The following PARD6G variants were observed in gnomAD, a reference collection of about 807,000 sequenced individuals.
PARD6G encodes par-6 family cell polarity regulator gamma.
Under a neutral mutation model 10.7 loss-of-function variants are expected in PARD6G, and 7 were observed. That is an observed-to-expected ratio of 0.66 (90% CI 0.37 to 1.23). PARD6G has a LOEUF of 1.23. Among genes scored for constraint, PARD6G ranks in the 50% most tolerant of loss-of-function variants. The probability of loss-of-function intolerance (pLI) is 0.02; values close to 1 mark genes in which losing one functional copy is unlikely to be tolerated. For missense variants in PARD6G, 548 were observed against 571.8 expected, an observed-to-expected ratio of 0.96 and a Z score of 0.42; for synonymous variants, 287 against 269.4, an observed-to-expected ratio of 1.07 and a Z score of -0.64.
chr18:80,204,913 C>T (rs1967041263), intron 1 of PARD6G, among the ~76,000 whole-genome samples: 1 of 152,108 alleles, frequency 6.6e-6, no homozygotes, highest in South Asian at 2.1e-4. Context: ...GATCATGCCA[C>T]CGCACTCCAG....
At position 80,181,951 on chromosome 18, in the gene PARD6G, C is replaced by T. The variant is rs529234289; in HGVS notation, c.295+20759G>A. Among the ~76,000 whole-genome samples the T allele has an allele frequency of 1.2e-4, 18 of 152,330 alleles. No homozygotes were observed. The highest frequency in any genetic ancestry group is 2.4e-4 in the Non-Finnish European group (16 of 68,030). Reference sequence around the variant, plus strand: ...CAGGGCTGCAGCACACAACACGTTTCCAGTGGAGAAGCCCTTTGCAGAGTT... The same window carrying T: ...CAGGGCTGCAGCACACAACACGTTTTCAGTGGAGAAGCCCTTTGCAGAGTT... On this transcript the variant is annotated intron_variant, in intron 2 of 2. Transcript: ENST00000353265. The surrounding 1 kb of genome is among the most constrained non-coding windows in gnomAD (Gnocchi z 7.9).
Position 80,202,944 on chromosome 18 carries a change from G to T in PARD6G, c.73-12C>A, listed in dbSNP as rs751917523. 3 of 482,746 alleles carry T rather than the reference G, an allele frequency of 6.2e-6. No individual in the cohort carries two copies. The highest frequency in any genetic ancestry group is 1.2e-5 in the Non-Finnish European group (3 of 258,478). 29.9% of individuals were successfully genotyped at this position (482,746 alleles called of 1,614,324 possible). ...AATTCCGCCCCAAACTACAATGCAA[G>T]AGACGGGGTGGGGGGAGGGGCATTA... On this transcript the variant is annotated splice_polypyrimidine_tract_variant and intron_variant, in intron 1 of 2. Transcript: ENST00000353265.
At chr18:80,194,560 A>T (rs761648350) in intron 2 of PARD6G, among the ~76,000 whole-genome samples, 13 of 152,082 alleles carry the variant, frequency 8.5e-5, no homozygotes, top group Admixed American at 2.0e-4. Flanking sequence ...AGGTTCATAA[A>T]CGTCAACGTG....
At position 80,246,742 on chromosome 18, in the gene PARD6G, G is replaced by A. The variant is rs1967554529; in HGVS notation, c.72+535C>T. Among the ~76,000 whole-genome samples, 1 of 151,940 alleles carries A rather than the reference G, an allele frequency of 6.6e-6. No individual in the cohort carries two copies. Among genetic ancestry groups the A allele is most frequent in the African/African-American group, 2.4e-5 (1 of 41,352 alleles). On this transcript the variant is annotated intron_variant, in intron 1 of 2. Transcript: ENST00000353265. The surrounding 1 kb of genome is among the most constrained non-coding windows in gnomAD (Gnocchi z 6.7). The stretch of plus-strand genomic sequence containing the variant: ...TGGGTCTGCGCGGGGGAGCGCGCCT[G>A]GTGCCTAGATGTTTGGTACCGAGCG...
intron 1 of PARD6G, among the ~76,000 whole-genome samples, chr18:80,218,477 C>T (rs1259916794): frequency 6.6e-6 from 1 of 152,336 alleles, no homozygotes; most frequent in Non-Finnish European, 1.5e-5. Flanking sequence ...ATTTAGGTCA[C>T]ACTGATGCAA....
chr18:80,180,897 C>G lies in PARD6G; in HGVS notation c.296-20291G>C, dbSNP rs1190527391. Among the ~76,000 whole-genome samples the G allele has an allele frequency of 6.6e-6, 1 of 152,180 alleles. No homozygotes were observed. The highest frequency in any genetic ancestry group is 2.4e-5 in the African/African-American group (1 of 41,442). On this transcript the variant is annotated intron_variant, in intron 2 of 2. Coordinates refer to ENST00000353265, the MANE Select transcript of PARD6G (RefSeq NM_032510.4). The surrounding 1 kb of genome is among the most constrained non-coding windows in gnomAD (Gnocchi z 5.6). ...TGGGGGGAAGCTCCTGGTATCTAGA[C>G]AGCAGAGGCCGGGGCACCGATAGCT...
chr18:80,225,883 C>A (rs1002932615), intron 1 of PARD6G, among the ~76,000 whole-genome samples: 2 of 152,122 alleles, frequency 1.3e-5, no homozygotes, highest in African/African-American at 4.8e-5. Context: ...CACACCTAGT[C>A]ATCTCTGGGC....
intron 1 of PARD6G, among the ~76,000 whole-genome samples, chr18:80,220,358 G>T (rs1967215813): frequency 6.6e-6 from 1 of 152,104 alleles, no homozygotes; most frequent in South Asian, 2.1e-4. Flanking sequence ...CTTGGGTGGG[G>T]ACACAGCCAA....
intron 1 of PARD6G, among the ~76,000 whole-genome samples, chr18:80,229,622 G>T (rs1371333512): frequency 6.6e-6 from 1 of 152,234 alleles, no homozygotes; most frequent in Non-Finnish European, 1.5e-5. Context: ...CACATTAAAG[G>T]TTGCACAACT....
chr18:80,210,207 C>A (rs928912122), intron 1 of PARD6G, among the ~76,000 whole-genome samples: 1 of 152,198 alleles, frequency 6.6e-6, no homozygotes, highest in Non-Finnish European at 1.5e-5. Flanking sequence ...TTAAGTTAAT[C>A]TCCAAGCACT....
chr18:80,177,218 G>GCACA (rs35217634), intron 2 of PARD6G, among the ~76,000 whole-genome samples: 7,343 of 98,722 alleles, frequency 0.074, 788 homozygotes, highest in African/African-American at 0.21. Context: ...AATGGGAAGC[G>GCACA]CACACACACA....
intron 2 of PARD6G, among the ~76,000 whole-genome samples, chr18:80,172,540 C>A (rs535242722): frequency 6.6e-6 from 1 of 152,226 alleles, no homozygotes; most frequent in Admixed American, 6.5e-5. Context: ...GTGCCCACTA[C>A]CGTGCCTGGC....
chr18:80,182,424 C>G lies in PARD6G; in HGVS notation c.295+20286G>C, dbSNP rs2052852950. Among the ~76,000 whole-genome samples the G allele has an allele frequency of 6.6e-6, 1 of 152,236 alleles. No homozygotes were observed. Among genetic ancestry groups the G allele is most frequent in the Admixed American group, 6.5e-5 (1 of 15,286 alleles). On this transcript the variant is annotated intron_variant, in intron 2 of 2. Transcript: ENST00000353265. This position sits in a 1 kb window ranked among gnomAD's most constrained non-coding sequence, Gnocchi z 4.5. ...GTCCACTTTAGATGCTGGAACTACACTTAAAGAGCGACCAGCTTTTACAGA... is the reference window on the plus strand; with the variant it reads ...GTCCACTTTAGATGCTGGAACTACAGTTAAAGAGCGACCAGCTTTTACAGA...
Position 80,201,695 on chromosome 18 carries a change from C to T in PARD6G, c.295+1015G>A, listed in dbSNP as rs543556337. 2.6e-5 allele frequency among the ~76,000 whole-genome samples: 4 copies of T among 152,346 alleles called. No individual in the cohort carries two copies. Among genetic ancestry groups the T allele is most frequent in the East Asian group, 1.9e-4 (1 of 5,190 alleles). ...ATAGCTAGTATTTACAGAGCAGGGACGAGGAGCTGGCAGCACGCTGCTCAG... is the reference window on the plus strand; with the variant it reads ...ATAGCTAGTATTTACAGAGCAGGGATGAGGAGCTGGCAGCACGCTGCTCAG... On this transcript the variant is annotated intron_variant, in intron 2 of 2. Coordinates refer to ENST00000353265, the MANE Select transcript of PARD6G (RefSeq NM_032510.4). The surrounding 1 kb of genome is among the most constrained non-coding windows in gnomAD (Gnocchi z 5.9).
rs959941100 is a variant in PARD6G at position 80,228,282 on chromosome 18, G to T, written c.72+18995C>A. On this transcript the variant is annotated intron_variant, in intron 1 of 2. Transcript: ENST00000353265. This position sits in a 1 kb window ranked among gnomAD's most constrained non-coding sequence, Gnocchi z 4.6. Reference sequence around the variant, plus strand: ...AAGTGAAAACTGCGGAAGCCGCCATGGGGAGGTGAGGGGAGGTGAGCGGAG... The same window carrying T: ...AAGTGAAAACTGCGGAAGCCGCCATTGGGAGGTGAGGGGAGGTGAGCGGAG... 2.3e-4 allele frequency among the ~76,000 whole-genome samples: 33 copies of T among 144,696 alleles called. No individual in the cohort carries two copies. The highest frequency in any genetic ancestry group is 9.0e-4 in the African/African-American group (31 of 34,446). The allele number at this position is 144,696 out of a possible 152,430, so 94.9% of individuals were successfully genotyped here.
chr18:80,207,921 AAAAG>A (rs1323817968), intron 1 of PARD6G, among the ~76,000 whole-genome samples: 1 of 152,222 alleles, frequency 6.6e-6, no homozygotes, highest in African/African-American at 2.4e-5. Context: ...ATCAAAGAGA[AAAAG>A]AAACCATGTA....
intron 1 of PARD6G, among the ~76,000 whole-genome samples, chr18:80,210,780 A>G (rs1188209268): frequency 6.6e-6 from 1 of 152,212 alleles, no homozygotes; most frequent in Non-Finnish European, 1.5e-5. Context: ...CTCTTGCCAG[A>G]TACAAAGCAT....
At chr18:80,222,230 A>T (rs1473619771) in intron 1 of PARD6G, among the ~76,000 whole-genome samples, 1 of 151,762 alleles carries the variant, frequency 6.6e-6, no homozygotes, top group Non-Finnish European at 1.5e-5. Flanking sequence ...AACTACAGGC[A>T]TGCGCCGCCA....
In PARD6G at chr18:80,160,038, G is replaced by T. The variant is rs2052686263; in HGVS notation, c.864C>A (p.Phe288Leu). The change falls in exon 3 of 3, where the codon TTC (phenylalanine) becomes TTA (leucine). Residue 288 changes from phenylalanine (F) to leucine (L), a missense_variant. Physicochemically the swap from Phe to Leu is conservative, Grantham distance 22. Coordinates refer to ENST00000353265, the MANE Select transcript of PARD6G (RefSeq NM_032510.4). Reference sequence around the variant, plus strand: ...CATCGCTCTCCGCCTCGTCGGGGTGGAAGTTCTGCAGGACGCGCGGGGCGG... The same window carrying T: ...CATCGCTCTCCGCCTCGTCGGGGTGTAAGTTCTGCAGGACGCGCGGGGCGG... ...GPPAPRVLQNFHPDEAESDED... is the reference protein window; with the variant it reads ...GPPAPRVLQNLHPDEAESDED... 1 of 1,541,896 alleles carries T rather than the reference G, an allele frequency of 6.5e-7. No individual in the cohort carries two copies. Among genetic ancestry groups the T allele is most frequent in the South Asian group, 1.3e-5 (1 of 78,810 alleles).
Sources: allele counts gnomAD v4.1 joint callset (sites outside exome capture counted in the v4.1 genomes callset), GRCh38; gene constraint gnomAD v4.1.1; non-coding constraint Gnocchi (gnomAD v3.1); transcripts MANE v1.5; gene names NCBI Gene and HGNC (gene_info 2026-07-23, HGNC 2026-07-21).